Variants in HMGCLL1 observed in about 807,000 individuals in gnomAD.
HMGCLL1 encodes the protein 3-hydroxy-3-methylglutaryl-CoA lyase like 1, also known as 3-hydroxymethyl-3-methylglutaryl-CoA lyase, cytoplasmic.
In HMGCLL1, 36 loss-of-function variants were observed where a neutral mutation model predicts 39.1. The ratio of observed to expected loss-of-function variants is 0.92; its 90% CI spans 0.71 to 1.22. HMGCLL1 has a LOEUF of 1.22. HMGCLL1 is among the 50% of genes most tolerant of loss of function. The probability of loss-of-function intolerance (pLI) is 0.00; values close to 1 mark genes in which losing one functional copy is unlikely to be tolerated. For missense variants in HMGCLL1, 451 were observed against 416.5 expected (o/e 1.08, Z -0.72); for synonymous variants, 149 against 144.0 (o/e 1.03, Z -0.25).
chr6:55,569,521 G>A (rs1581961271), intron 1 of HMGCLL1, among the ~76,000 whole-genome samples: 1 of 152,144 alleles, frequency 6.6e-6, no homozygotes, highest in East Asian at 1.9e-4. Context: ...AACTGCTTGA[G>A]TTAAAATTCT....
chr6:55,485,304 G>T (rs934977467), intron 7 of HMGCLL1, among the ~76,000 whole-genome samples: 1 of 151,694 alleles, frequency 6.6e-6, no homozygotes, highest in Non-Finnish European at 1.5e-5. Context: ...TCTATATTAG[G>T]CGTGTGTGTG....
chr6:55,676,879 G>A, the HMGCLL1 span, among the ~76,000 whole-genome samples: 4 of 152,324 alleles, frequency 2.6e-5, no homozygotes, highest in Non-Finnish European at 4.4e-5. Context: ...GATGGTTCCC[G>A]CATGCGGGGA....
intron 7 of HMGCLL1, among the ~76,000 whole-genome samples, chr6:55,468,085 G>T (rs1435527061): frequency 2.0e-5 from 3 of 151,988 alleles, no homozygotes; most frequent in Non-Finnish European, 4.4e-5. Flanking sequence ...AAGAGAAAAG[G>T]CTGCAGTAGC....
intron 1 of HMGCLL1, among the ~76,000 whole-genome samples, chr6:55,562,406 T>C (rs562516521): frequency 1.3e-5 from 2 of 152,230 alleles, no homozygotes; most frequent in East Asian, 1.9e-4. Flanking sequence ...TACAGGGTAC[T>C]GAAAGAAACA....
chr6:55,453,173 T>G (rs993079938), intron 7 of HMGCLL1, among the ~76,000 whole-genome samples: 1 of 152,076 alleles, frequency 6.6e-6, no homozygotes, highest in African/African-American at 2.4e-5. Context: ...TGTTGTTGTT[T>G]GTTGTTGGTT....
rs868022259 is a variant in HMGCLL1, at chr6:55,477,276, T to A, written c.795+18143A>T. ...TATAATATATATTATATAATATATA[T>A]TATATATTATATATAAAATAATATA... On this transcript the variant is annotated intron_variant, in intron 7 of 8. Coordinates refer to ENST00000274901, the MANE Select transcript of HMGCLL1 (RefSeq NM_001042406.2). 2.0e-3 allele frequency among the ~76,000 whole-genome samples: 27 copies of A among 13,498 alleles called. 4 individuals carry two copies. Among genetic ancestry groups the A allele is most frequent in the East Asian group, 9.4e-3 (2 of 212 alleles). 8.9% of individuals were successfully genotyped at this position (13,498 alleles called of 152,430 possible).
intron 3 of HMGCLL1, among the ~76,000 whole-genome samples, chr6:55,540,314 C>T (rs528679380): frequency 3.3e-5 from 5 of 151,980 alleles, no homozygotes; most frequent in Admixed American, 3.3e-4. Flanking sequence ...AATGTTTGCA[C>T]CTCCTCAAAA....
the HMGCLL1 span, among the ~76,000 whole-genome samples, chr6:55,650,126 TATATATATACACACACAC>T: frequency 3.1e-3 from 164 of 53,734 alleles, 2 homozygotes; most frequent in South Asian, 0.022. Context: ...TATATATATA[TATATATATACACACACAC>T]ACACATATGT....
intron 3 of HMGCLL1, among the ~76,000 whole-genome samples, chr6:55,529,873 A>G (rs548557428): frequency 5.9e-5 from 9 of 152,284 alleles, no homozygotes; most frequent in African/African-American, 2.2e-4. Context: ...GAGACACAAT[A>G]AAAGCAATAA....
intron 3 of HMGCLL1, among the ~76,000 whole-genome samples, chr6:55,538,191 C>T (rs1003035050): frequency 3.3e-5 from 5 of 152,062 alleles, no homozygotes; most frequent in African/African-American, 4.8e-5. Context: ...ATAGGAAAGA[C>T]TATTTTGTAG....
chr6:55,475,155 C>T (rs1561902578), intron 7 of HMGCLL1, among the ~76,000 whole-genome samples: 1 of 151,548 alleles, frequency 6.6e-6, no homozygotes, highest in Non-Finnish European at 1.5e-5. Context: ...GATGAATACC[C>T]TTTCCCCAGC....
rs150754835 is a variant in HMGCLL1, at chr6:55,578,269, A to T, written c.108+679T>A. On this transcript the variant is annotated intron_variant, in intron 1 of 8. Transcript: ENST00000274901. Reference sequence around the variant, plus strand: ...TAGATTTTCAAGTTTTTTAAGGAAAAAGTTAATTTCTTTATACACCTTTTC... The same window carrying T: ...TAGATTTTCAAGTTTTTTAAGGAAATAGTTAATTTCTTTATACACCTTTTC... Among the ~76,000 whole-genome samples the T allele has an allele frequency of 6.2e-3, 938 of 152,292 alleles. 25 individuals are homozygous for T. Among genetic ancestry groups the T allele is most frequent in the East Asian group, 0.052 (272 of 5,184 alleles).
chr6:55,657,429 G>A, the HMGCLL1 span, among the ~76,000 whole-genome samples: 1 of 151,978 alleles, frequency 6.6e-6, no homozygotes, highest in African/African-American at 2.4e-5. Flanking sequence ...TGTTAGCCCA[G>A]TACGATTTAC....
chr6:55,536,445 T>C (rs1011880785), intron 3 of HMGCLL1, among the ~76,000 whole-genome samples: 1 of 152,218 alleles, frequency 6.6e-6, no homozygotes, highest in Non-Finnish European at 1.5e-5. Flanking sequence ...ATGGCTAAAC[T>C]AAAGATGAAT....
chr6:55,453,063 G>A (rs542223618), intron 7 of HMGCLL1, among the ~76,000 whole-genome samples: 2 of 152,236 alleles, frequency 1.3e-5, no homozygotes, highest in African/African-American at 4.8e-5. Flanking sequence ...ACAAGGGTGG[G>A]GAGAGGATGT....
intron 7 of HMGCLL1, among the ~76,000 whole-genome samples, chr6:55,440,031 G>GTT (rs1397565544): frequency 6.6e-6 from 1 of 152,080 alleles, no homozygotes; most frequent in Non-Finnish European, 1.5e-5. Flanking sequence ...TTGAAATAGG[G>GTT]TTTTGTGGGC....
At chr6:55,658,827 G>C in the HMGCLL1 span, among the ~76,000 whole-genome samples, 1 of 151,828 alleles carries the variant, frequency 6.6e-6, no homozygotes, top group African/African-American at 2.4e-5. Context: ...ACTAAGCAAA[G>C]TATAATTATA....
rs140258071 is a variant in HMGCLL1 at position 55,500,406 on chromosome 6, T to C, written c.543-1107A>G. On this transcript the variant is annotated intron_variant, in intron 5 of 8. Coordinates refer to ENST00000274901, the MANE Select transcript of HMGCLL1 (RefSeq NM_001042406.2). ...CTATTTCCTTAATTCTAATATGCTA[T>C]TGATTTGAAGATGCACTATGAAATT... 1.4e-3 allele frequency among the ~76,000 whole-genome samples: 217 copies of C among 152,118 alleles called. 1 individual carries two copies. Among genetic ancestry groups the C allele is most frequent in the Admixed American group, 3.1e-3 (47 of 15,226 alleles).
At chr6:55,539,694 C>T (rs906876818) in intron 3 of HMGCLL1, among the ~76,000 whole-genome samples, 4 of 149,984 alleles carry the variant, frequency 2.7e-5, no homozygotes, top group Non-Finnish European at 1.5e-5. Flanking sequence ...CACACTGGAG[C>T]GTATGGAAGA....
Sources: gnomAD v4.1 joint callset for allele counts (sites outside exome capture counted in the v4.1 genomes callset) on GRCh38, gnomAD v4.1.1 for gene constraint, MANE v1.5 for transcripts, NCBI Gene and HGNC (gene_info 2026-07-23, HGNC 2026-07-21) for gene names.